Variants in FAM107B observed in about 807,000 individuals in gnomAD.
The protein encoded by FAM107B is family with sequence similarity 107 member B.
Under a neutral mutation model 31.5 loss-of-function variants are expected in FAM107B, and 21 were observed. The observed-to-expected ratio is 0.67, with a 90% CI of 0.47 to 0.96. FAM107B has a LOEUF of 0.96. FAM107B is among the 40% of genes least tolerant of loss of function. The probability of loss-of-function intolerance (pLI) is 0.00; values close to 1 mark genes in which losing one functional copy is unlikely to be tolerated. For missense variants in FAM107B, 452 were observed against 377.1 expected (o/e 1.20, Z -1.64); for synonymous variants, 157 against 141.5 (o/e 1.11, Z -0.78).
At chr10:14,650,813 C>T (rs1315204747) in intron 2 of FAM107B, among the ~76,000 whole-genome samples, 1 of 152,180 alleles carries the variant, frequency 6.6e-6, no homozygotes, top group African/African-American at 2.4e-5. Context: ...GTCGTATATG[C>T]TCATAGTAAA....
At chr10:14,663,058 T>C (rs934880851) in intron 2 of FAM107B, among the ~76,000 whole-genome samples, 5 of 152,230 alleles carry the variant, frequency 3.3e-5, no homozygotes, top group Non-Finnish European at 7.3e-5. Context: ...GGATGCTTCC[T>C]GCCCTTGAAC....
rs180845000 is a variant in FAM107B at position 14,599,757 on chromosome 10, C to A, written c.469+67877G>T. ...ATGATTTCTATTTCCATAGAACATACACACTCAACACAACTCCCTCTTTGT... is the reference window on the plus strand; with the variant it reads ...ATGATTTCTATTTCCATAGAACATAAACACTCAACACAACTCCCTCTTTGT... On this transcript the variant is annotated intron_variant, in intron 2 of 4. Transcript: ENST00000181796. Among the ~76,000 whole-genome samples the A allele has an allele frequency of 1.0e-4, 15 of 147,728 alleles. No individual in the cohort carries two copies. In the East Asian group the frequency reaches 2.9e-3, roughly 29 times the overall value.
At chr10:14,745,021 G>T (rs948621626) in intron 1 of FAM107B, among the ~76,000 whole-genome samples, 2 of 152,096 alleles carry the variant, frequency 1.3e-5, no homozygotes, top group African/African-American at 4.8e-5. Flanking sequence ...CCTTCTTCCT[G>T]GTTCAGTCTT....
intron 2 of FAM107B, among the ~76,000 whole-genome samples, chr10:14,571,606 C>T (rs770720897): frequency 2.0e-5 from 3 of 152,204 alleles, no homozygotes; most frequent in Non-Finnish European, 4.4e-5. Flanking sequence ...CTGGCAAAGA[C>T]ACACTATTCA....
At chr10:14,754,839 C>A (rs1832897647) in intron 1 of FAM107B, among the ~76,000 whole-genome samples, 1 of 152,208 alleles carries the variant, frequency 6.6e-6, no homozygotes, top group South Asian at 2.1e-4. Flanking sequence ...ATTTTATTTT[C>A]CTTATTGCAA....
chr10:14,655,910 T>A (rs1285750532), intron 2 of FAM107B, among the ~76,000 whole-genome samples: 1 of 152,020 alleles, frequency 6.6e-6, no homozygotes, highest in South Asian at 2.1e-4. Context: ...TGAGGCAGGT[T>A]CTGGGGTGAG....
intron 1 of FAM107B, among the ~76,000 whole-genome samples, chr10:14,729,135 G>A (rs1417386684): frequency 1.3e-5 from 2 of 152,036 alleles, no homozygotes; most frequent in Non-Finnish European, 2.9e-5. Flanking sequence ...TAGGACCACA[G>A]ATGTGCATTG....
At chr10:14,620,080 C>T (rs973142209) in intron 2 of FAM107B, among the ~76,000 whole-genome samples, 1 of 146,668 alleles carries the variant, frequency 6.8e-6, no homozygotes, top group Admixed American at 7.1e-5. Context: ...AGTGCAGTGG[C>T]ACAATCTCGG....
chr10:14,599,139 G>A (rs1376529652), intron 2 of FAM107B, among the ~76,000 whole-genome samples: 3 of 152,218 alleles, frequency 2.0e-5, no homozygotes, highest in Non-Finnish European at 2.9e-5. Context: ...ATGGTCGGAA[G>A]AGCCAGTCTG....
chr10:14,558,039 GA>G (rs1849854312), intron 2 of FAM107B, among the ~76,000 whole-genome samples: 1 of 152,230 alleles, frequency 6.6e-6, no homozygotes, highest in South Asian at 2.1e-4. Context: ...TCCTCCCCGT[GA>G]GTCCAGGTAA....
Position 14,572,739 on chromosome 10 carries a change from TTA to T in FAM107B, c.470-42226_470-42225del, listed in dbSNP as rs61477094. Among the ~76,000 whole-genome samples, 697 of 91,982 alleles carry T rather than the reference TTA, an allele frequency of 7.6e-3. 28 individuals are homozygous for T. The highest frequency in any genetic ancestry group is 0.025 in the African/African-American group (659 of 26,212). 60.3% of individuals were successfully genotyped at this position (91,982 alleles called of 152,430 possible). A position where few individuals can be genotyped will look rare whatever the true frequency, so the allele number is the denominator to read the frequency against. Reference sequence around the variant, plus strand: ...CATCTCTTCAAAAAAAAAAAAAAATTTATATATATATATATATATATTAGAGT... The same window carrying T: ...CATCTCTTCAAAAAAAAAAAAAAATTTATATATATATATATATATTAGAGT... On this transcript the variant is annotated intron_variant, in intron 2 of 4. Coordinates refer to ENST00000181796, the MANE Select transcript of FAM107B (RefSeq NM_031453.4).
chr10:14,750,164 T>A (rs1832799481), intron 1 of FAM107B, among the ~76,000 whole-genome samples: 1 of 152,172 alleles, frequency 6.6e-6, no homozygotes, highest in Non-Finnish European at 1.5e-5. Context: ...GAAGAAGAAT[T>A]GCTCTCACCC....
chr10:14,692,610 G>A (rs771204440), intron 1 of FAM107B, among the ~76,000 whole-genome samples: 6 of 152,134 alleles, frequency 3.9e-5, no homozygotes, highest in Non-Finnish European at 8.8e-5. Flanking sequence ...GTTTGTCATG[G>A]TTTAGGACTG....
chr10:14,683,761 C>T (rs1287606900), intron 1 of FAM107B, among the ~76,000 whole-genome samples: 3 of 152,094 alleles, frequency 2.0e-5, no homozygotes, highest in South Asian at 2.1e-4. Flanking sequence ...AAACACTTGT[C>T]GAATGAATGC....
chr10:14,708,078 G>T (rs1855561014), intron 1 of FAM107B, among the ~76,000 whole-genome samples: 1 of 151,720 alleles, frequency 6.6e-6, no homozygotes, highest in Middle Eastern at 3.4e-3. Flanking sequence ...ACCTTAGGAG[G>T]ACTGTCTTTT....
intron 2 of FAM107B, among the ~76,000 whole-genome samples, chr10:14,570,085 C>T (rs1229168032): frequency 2.0e-5 from 3 of 152,132 alleles, no homozygotes; most frequent in Admixed American, 2.0e-4. Context: ...CTTAGGATTG[C>T]ATTTATCATT....
At chr10:14,549,032 A>G (rs879535589) in intron 2 of FAM107B, among the ~76,000 whole-genome samples, 6 of 152,106 alleles carry the variant, frequency 3.9e-5, no homozygotes, top group African/African-American at 7.2e-5. Context: ...TTCTTTCTCA[A>G]TCTCTCTCCC....
chr10:14,651,184 T>A (rs949350919), intron 2 of FAM107B, among the ~76,000 whole-genome samples: 1 of 152,202 alleles, frequency 6.6e-6, no homozygotes, highest in Non-Finnish European at 1.5e-5. Context: ...GCCCTATCTA[T>A]AAGGAGCCTG....
intron 2 of FAM107B, among the ~76,000 whole-genome samples, chr10:14,577,118 C>G (rs1388928115): frequency 1.3e-5 from 2 of 152,224 alleles, no homozygotes; most frequent in Non-Finnish European, 2.9e-5. Flanking sequence ...AACATGCATG[C>G]CTTTTATGGC....
Sources: allele counts gnomAD v4.1 joint callset (sites outside exome capture counted in the v4.1 genomes callset), GRCh38; gene constraint gnomAD v4.1.1; transcripts MANE v1.5; gene names NCBI Gene and HGNC (gene_info 2026-07-23, HGNC 2026-07-21).